The following CSMD1 variants were observed in gnomAD, a reference collection of about 807,000 sequenced individuals.
The protein encoded by CSMD1 is CUB and sushi domain-containing protein 1.
In CSMD1, 213 loss-of-function variants were observed where a neutral mutation model predicts 417.5. That is an observed-to-expected ratio of 0.51 (90% CI 0.46 to 0.57). The LOEUF is 0.57. CSMD1 is among the 20% of genes least tolerant of loss of function. CSMD1 has a pLI of 0.00. For synonymous variants in CSMD1, 2,862 were observed against 1,736.8 expected (o/e 1.65, Z -16.11); for missense variants, 6,923 against 4,529.7 (o/e 1.53, Z -15.17).
At chr8:4,933,329 T>C (rs1230310739) in intron 1 of CSMD1, among the ~76,000 whole-genome samples, 1 of 152,216 alleles carries the variant, frequency 6.6e-6, no homozygotes, top group Non-Finnish European at 1.5e-5. Flanking sequence ...TGCATTAATA[T>C]GCCGTTTAAA....
intron 8 of CSMD1, among the ~76,000 whole-genome samples, chr8:3,601,476 G>A (rs1801358335): frequency 6.6e-6 from 1 of 152,156 alleles, no homozygotes; most frequent in Non-Finnish European, 1.5e-5. Flanking sequence ...CTCATATCAC[G>A]GATGACATAC....
chr8:3,185,949 T>A (rs1044977886), intron 36 of CSMD1, among the ~76,000 whole-genome samples: 6 of 152,174 alleles, frequency 3.9e-5, no homozygotes, highest in Admixed American at 2.0e-4. Context: ...ATTTCCTGTC[T>A]CTCTCTGATT....
rs549564703 is a variant in CSMD1 at position 3,488,771 on chromosome 8, T to C, written c.1448+4852A>G. Among the ~76,000 whole-genome samples the C allele has an allele frequency of 4.6e-5, 7 of 152,234 alleles. No individual in the cohort carries two copies. The East Asian group carries it at 5.8e-4, about 13-fold the overall frequency. On this transcript the variant is annotated intron_variant, in intron 11 of 69. Coordinates refer to ENST00000635120, the MANE Select transcript of CSMD1 (RefSeq NM_033225.6). Reference sequence around the variant, plus strand: ...CAAGTCAAGAACAGGGTTCAAACAGTTGAGTCTGTCTATACTGTCACTGGC... The same window carrying C: ...CAAGTCAAGAACAGGGTTCAAACAGCTGAGTCTGTCTATACTGTCACTGGC...
intron 1 of CSMD1, among the ~76,000 whole-genome samples, chr8:4,676,440 G>A (rs538776197): frequency 6.6e-6 from 1 of 152,184 alleles, no homozygotes; most frequent in Admixed American, 6.5e-5. Flanking sequence ...TGCAGCTGCT[G>A]GAGTATGTCT....
Position 4,580,465 on chromosome 8 carries a change from T to C in CSMD1, c.302+56877A>G, listed in dbSNP as rs181003270. ...TGCATCCACTTTACAGGTGAGAAAATTGAGGCATAGCGAAGTTATGGAAAT... is the reference window on the plus strand; with the variant it reads ...TGCATCCACTTTACAGGTGAGAAAACTGAGGCATAGCGAAGTTATGGAAAT... On this transcript the variant is annotated intron_variant, in intron 2 of 69. Coordinates refer to ENST00000635120, the MANE Select transcript of CSMD1 (RefSeq NM_033225.6). Among the ~76,000 whole-genome samples the C allele has an allele frequency of 5.3e-5, 8 of 152,300 alleles. No homozygotes were observed. In the South Asian group the frequency reaches 6.2e-4, roughly 12 times the overall value.
At chr8:4,866,254 A>T (rs577831926) in intron 1 of CSMD1, among the ~76,000 whole-genome samples, 1 of 151,980 alleles carries the variant, frequency 6.6e-6, no homozygotes, top group South Asian at 2.1e-4. Context: ...ATTCACATTA[A>T]ATCTCTTCAC....
chr8:4,420,632 C>A (rs546425531), intron 2 of CSMD1, among the ~76,000 whole-genome samples: 1 of 152,028 alleles, frequency 6.6e-6, no homozygotes, highest in Non-Finnish European at 1.5e-5. Context: ...CTGAGTTGGT[C>A]GTGAAACAAT....
chr8:4,042,796 G>C lies in CSMD1; in HGVS notation c.416-10697C>G, dbSNP rs554333553. On this transcript the variant is annotated intron_variant, in intron 3 of 69. Transcript: ENST00000635120. Reference sequence around the variant, plus strand: ...TTGCTGTATCTTCGCTATACAATAGGTGAAGTGGTACAACATATTAAAAAA... The same window carrying C: ...TTGCTGTATCTTCGCTATACAATAGCTGAAGTGGTACAACATATTAAAAAA... Among the ~76,000 whole-genome samples, 10 of 97,028 alleles carry C rather than the reference G, an allele frequency of 1.0e-4. No homozygotes were observed. The East Asian group carries it at 2.8e-3, about 27-fold the overall frequency. 63.7% of individuals were successfully genotyped at this position (97,028 alleles called of 152,430 possible).
At chr8:3,598,693 T>G (rs969323089) in intron 8 of CSMD1, among the ~76,000 whole-genome samples, 1 of 152,192 alleles carries the variant, frequency 6.6e-6, no homozygotes, top group Non-Finnish European at 1.5e-5. Flanking sequence ...AAGGGTTGCC[T>G]TGGATGCTAA....
intron 10 of CSMD1, among the ~76,000 whole-genome samples, chr8:3,548,224 C>G (rs574389433): frequency 6.6e-6 from 1 of 152,298 alleles, no homozygotes; most frequent in East Asian, 1.9e-4. Context: ...GCTGATGGAG[C>G]CATCTCAGTG....
intron 3 of CSMD1, among the ~76,000 whole-genome samples, chr8:4,226,677 A>T (rs1466708798): frequency 6.6e-6 from 1 of 152,196 alleles, no homozygotes; most frequent in African/African-American, 2.4e-5. Context: ...TAGTAAATGT[A>T]TTCCTTTAAA....
chr8:4,616,316 A>G (rs1030737317), intron 2 of CSMD1, among the ~76,000 whole-genome samples: 1 of 152,204 alleles, frequency 6.6e-6, no homozygotes, highest in Non-Finnish European at 1.5e-5. Flanking sequence ...TCAGGAAAAT[A>G]ATAGGGAAGA....
At chr8:4,334,781 G>C (rs971158963) in intron 3 of CSMD1, among the ~76,000 whole-genome samples, 1 of 152,076 alleles carries the variant, frequency 6.6e-6, no homozygotes, top group African/African-American at 2.4e-5. Flanking sequence ...AGGCATTTTA[G>C]TCTGTTTGGG....
chr8:4,359,307 G>T (rs1220840620), intron 3 of CSMD1, among the ~76,000 whole-genome samples: 1 of 152,126 alleles, frequency 6.6e-6, no homozygotes, highest in African/African-American at 2.4e-5. Flanking sequence ...TGGCTGCAGT[G>T]CATTATTGTG....
intron 10 of CSMD1, among the ~76,000 whole-genome samples, chr8:3,568,753 A>C (rs1236493273): frequency 6.6e-6 from 1 of 152,074 alleles, no homozygotes; most frequent in Non-Finnish European, 1.5e-5. Flanking sequence ...ATATGTATGC[A>C]TGCATACATT....
intron 3 of CSMD1, among the ~76,000 whole-genome samples, chr8:4,210,395 T>A (rs1800235362): frequency 6.6e-6 from 1 of 152,222 alleles, no homozygotes; most frequent in African/African-American, 2.4e-5. Context: ...TTCTCAGGAT[T>A]TTATAGTGGA....
chr8:3,370,676 TA>T (rs1809889584), intron 18 of CSMD1, among the ~76,000 whole-genome samples: 1 of 152,076 alleles, frequency 6.6e-6, no homozygotes, highest in African/African-American at 2.4e-5. Context: ...TGGAACCGAA[TA>T]AAAAGGCAGA....
chr8:4,479,670 T>C (rs1168966816), intron 2 of CSMD1, among the ~76,000 whole-genome samples: 2 of 151,940 alleles, frequency 1.3e-5, no homozygotes, highest in African/African-American at 4.8e-5. Flanking sequence ...TCCAGGTGGG[T>C]AGACCACGAG....
chr8:3,476,900 G>A (rs1311937826), intron 11 of CSMD1, among the ~76,000 whole-genome samples: 4 of 101,064 alleles, frequency 4.0e-5, no homozygotes, highest in East Asian at 2.5e-4. Flanking sequence ...GCAACAGAGC[G>A]AAACTCCGCC....
Sources: allele counts gnomAD v4.1 joint callset (sites outside exome capture counted in the v4.1 genomes callset), GRCh38; gene constraint gnomAD v4.1.1; transcripts MANE v1.5; gene names NCBI Gene and HGNC (gene_info 2026-07-23, HGNC 2026-07-21).